The following B3GALT1 variants were observed in gnomAD, a reference collection of about 807,000 sequenced individuals.
B3GALT1 encodes UDP-Gal:betaGlcNAc beta 1,3-galactosyltransferase, polypeptide 1.
B3GALT1 carries 10 observed loss-of-function variants against 23.2 expected under a neutral mutation model. The ratio of observed to expected loss-of-function variants is 0.43; its 90% CI spans 0.27 to 0.73. The LOEUF is 0.73. Among genes scored for constraint, B3GALT1 ranks in the 30% least tolerant of loss-of-function variants. The pLI is 0.21. For synonymous variants in B3GALT1, 156 were observed against 141.5 expected (o/e 1.10, Z -0.73); for missense variants, 299 against 405.4 (o/e 0.74, Z 2.25).
chr2:167,794,510 C>T (rs1558981287), intron 3 of B3GALT1, among the ~76,000 whole-genome samples: 1 of 152,170 alleles, frequency 6.6e-6, no homozygotes, highest in Non-Finnish European at 1.5e-5. Flanking sequence ...TAGCAGGAAA[C>T]CAATTTAAGT....
At chr2:167,654,532 CTG>C (rs1464175847) in intron 3 of B3GALT1, among the ~76,000 whole-genome samples, 1 of 152,146 alleles carries the variant, frequency 6.6e-6, no homozygotes, top group Admixed American at 6.5e-5. Flanking sequence ...CAGGGCCTCA[CTG>C]TGCCACTCAG....
At chr2:167,624,095 G>A (rs758788381) in intron 2 of B3GALT1, among the ~76,000 whole-genome samples, 2 of 152,068 alleles carry the variant, frequency 1.3e-5, no homozygotes, top group African/African-American at 2.4e-5. Context: ...AGAATATTCC[G>A]AACAAAATCA....
intron 1 of B3GALT1, among the ~76,000 whole-genome samples, chr2:167,358,862 G>A (rs1319301979): frequency 6.6e-6 from 1 of 152,130 alleles, no homozygotes; most frequent in African/African-American, 2.4e-5. Flanking sequence ...GAGTGCAGTG[G>A]CGCAATCTTG....
chr2:167,680,198 A>G (rs1030520774), intron 3 of B3GALT1, among the ~76,000 whole-genome samples: 1 of 152,226 alleles, frequency 6.6e-6, no homozygotes, highest in African/African-American at 2.4e-5. Flanking sequence ...TCACGTAGAA[A>G]GTTAAACCTT....
rs1167786615 is a variant in B3GALT1 at position 167,551,677 on chromosome 2, T to A, written c.-410+61400T>A. Among the ~76,000 whole-genome samples, 3 of 152,236 alleles carry A rather than the reference T, an allele frequency of 2.0e-5. No individual in the cohort carries two copies. In the East Asian group the frequency reaches 5.8e-4, roughly 29 times the overall value. On this transcript the variant is annotated intron_variant, in intron 2 of 4. Coordinates refer to ENST00000392690, the MANE Select transcript of B3GALT1 (RefSeq NM_020981.4). Reference sequence around the variant, plus strand: ...TGCAGTCATCTCCAGTCTGAGGAAATGCAAATTGCCCAGATGAGGTGCCTT... The same window carrying A: ...TGCAGTCATCTCCAGTCTGAGGAAAAGCAAATTGCCCAGATGAGGTGCCTT...
intron 3 of B3GALT1, among the ~76,000 whole-genome samples, chr2:167,702,636 G>A (rs2105510877): frequency 6.6e-6 from 1 of 152,128 alleles, no homozygotes; most frequent in South Asian, 2.1e-4. Flanking sequence ...CTAGAACCCT[G>A]GAAAGTGAAT....
intron 3 of B3GALT1, among the ~76,000 whole-genome samples, chr2:167,743,130 A>G (rs1342187756): frequency 1.3e-5 from 2 of 152,240 alleles, no homozygotes; most frequent in South Asian, 4.1e-4. Flanking sequence ...AATGTCTAAC[A>G]TGCCAATGTG....
chr2:167,838,637 A>G (rs981614605), intron 4 of B3GALT1, among the ~76,000 whole-genome samples: 1 of 152,416 alleles, frequency 6.6e-6, no homozygotes, highest in South Asian at 2.1e-4. Context: ...AAACTATTCC[A>G]ATCAATAGAA....
At chr2:167,812,714 T>C (rs1027282457) in intron 3 of B3GALT1, among the ~76,000 whole-genome samples, 7 of 152,142 alleles carry the variant, frequency 4.6e-5, no homozygotes, top group African/African-American at 9.7e-5. Flanking sequence ...AAAATATTGC[T>C]GAATTGTTGA....
chr2:167,451,077 G>T (rs1361305967), intron 1 of B3GALT1, among the ~76,000 whole-genome samples: 1 of 151,788 alleles, frequency 6.6e-6, no homozygotes, highest in Non-Finnish European at 1.5e-5. Context: ...TTTCCCTGAA[G>T]ATTTCTCCCC....
At chr2:167,611,842 T>A (rs1173516861) in intron 2 of B3GALT1, among the ~76,000 whole-genome samples, 3 of 151,910 alleles carry the variant, frequency 2.0e-5, no homozygotes, top group Non-Finnish European at 2.9e-5. Flanking sequence ...AAAAAAAAAA[T>A]TCCTTGTCAA....
intron 3 of B3GALT1, among the ~76,000 whole-genome samples, chr2:167,768,268 G>A (rs6433012): frequency 0.97 from 148,134 of 152,366 alleles, 72,170 homozygotes; most frequent in East Asian, 1. Flanking sequence ...ATGTAGAGAA[G>A]CTTCTTCATG....
chr2:167,344,283 C>T (rs1040677761), intron 1 of B3GALT1, among the ~76,000 whole-genome samples: 1 of 152,162 alleles, frequency 6.6e-6, no homozygotes, highest in South Asian at 2.1e-4. Context: ...AAAACAAACT[C>T]ACCTTCACTT....
intron 2 of B3GALT1, among the ~76,000 whole-genome samples, chr2:167,597,007 G>A: frequency 6.6e-6 from 1 of 152,122 alleles, no homozygotes; most frequent in East Asian, 1.9e-4. Flanking sequence ...CCAAGGGCAT[G>A]CAATTAGTGA....
intron 1 of B3GALT1, among the ~76,000 whole-genome samples, chr2:167,399,946 T>C (rs1698160962): frequency 6.6e-6 from 1 of 152,168 alleles, no homozygotes; most frequent in Admixed American, 6.6e-5. Flanking sequence ...GTCTTTATTG[T>C]GCTCTTATTG....
intron 3 of B3GALT1, among the ~76,000 whole-genome samples, chr2:167,784,518 C>G (rs1688308184): frequency 6.6e-6 from 1 of 152,096 alleles, no homozygotes; most frequent in African/African-American, 2.4e-5. Context: ...GTATTCCCAC[C>G]TTGGGGAATT....
intron 3 of B3GALT1, among the ~76,000 whole-genome samples, chr2:167,807,081 G>C (rs940567686): frequency 5.3e-5 from 8 of 151,518 alleles, no homozygotes; most frequent in Non-Finnish European, 1.0e-4. Flanking sequence ...ATTTCTTCTA[G>C]ATTTTCTAGT....
At chr2:167,779,966 A>G (rs1375112176) in intron 3 of B3GALT1, among the ~76,000 whole-genome samples, 2 of 152,228 alleles carry the variant, frequency 1.3e-5, no homozygotes, top group East Asian at 1.9e-4. Flanking sequence ...ATGTATATCA[A>G]AATGTCAATG....
intron 1 of B3GALT1, among the ~76,000 whole-genome samples, chr2:167,467,961 A>C (rs1469799154): frequency 1.3e-5 from 2 of 152,196 alleles, no homozygotes; most frequent in African/African-American, 2.4e-5. Flanking sequence ...GCAACCAAAA[A>C]TATACATATA....
Sources: gnomAD v4.1 joint callset for allele counts (sites outside exome capture counted in the v4.1 genomes callset) on GRCh38, gnomAD v4.1.1 for gene constraint, MANE v1.5 for transcripts, NCBI Gene and HGNC (gene_info 2026-07-23, HGNC 2026-07-21) for gene names.